SPIDR: variants seen among roughly 807,000 people sequenced by gnomAD.
SPIDR encodes scaffold protein involved in DNA repair, also known as DNA repair-scaffolding protein.
SPIDR carries 93 observed loss-of-function variants against 104.6 expected under a neutral mutation model. The observed-to-expected ratio is 0.89, with a 90% confidence interval of 0.75 to 1.06. The LOEUF (loss-of-function observed/expected upper bound fraction) is 1.06, where lower values mean the gene tolerates loss of function less well. Among genes scored for constraint, SPIDR ranks in the 50% least tolerant of loss-of-function variants. SPIDR has a pLI of 0.00. For synonymous variants in SPIDR, 431 were observed against 416.9 expected, an observed-to-expected ratio of 1.03 and a Z score of -0.41; for missense variants, 1,154 against 1,111.2, an observed-to-expected ratio of 1.04 and a Z score of -0.55.
chr8:47,383,323 C>T (rs2059537217), intron 5 of SPIDR, among the ~76,000 whole-genome samples: 1 of 152,176 alleles, frequency 6.6e-6, no homozygotes, highest in South Asian at 2.1e-4. Context: ...ACTTTGGCCT[C>T]TTCTAGTATA....
At chr8:47,619,618 CTTT>C (rs34943473) in intron 10 of SPIDR, among the ~76,000 whole-genome samples, 6 of 144,728 alleles carry the variant, frequency 4.1e-5, no homozygotes, top group Non-Finnish European at 6.0e-5. Context: ...GTATATTACC[CTTT>C]TTTTTTTTTT....
At chr8:47,429,045 G>A (rs2066900540) in intron 7 of SPIDR, among the ~76,000 whole-genome samples, 1 of 152,148 alleles carries the variant, frequency 6.6e-6, no homozygotes, top group Non-Finnish European at 1.5e-5. Flanking sequence ...GAATACTGAG[G>A]CTGAACTATT....
intron 8 of SPIDR, among the ~76,000 whole-genome samples, chr8:47,525,994 A>C (rs1034005209): frequency 2.1e-4 from 32 of 152,148 alleles, no homozygotes; most frequent in African/African-American, 7.2e-4. Context: ...ACCTGGCAAA[A>C]CTTAGCATAG....
chr8:47,728,687 C>T lies in SPIDR; in HGVS notation c.2436-246C>T, dbSNP rs893222518. Reference sequence around the variant, plus strand: ...TGACCTCCCTTCCTGGGAGGCTCAGCATCCCCTCCTCTGCTCCCCTCTTCG... The same window carrying T: ...TGACCTCCCTTCCTGGGAGGCTCAGTATCCCCTCCTCTGCTCCCCTCTTCG... On this transcript the variant is annotated intron_variant, in intron 17 of 19. Coordinates refer to ENST00000297423, the MANE Select transcript of SPIDR (RefSeq NM_001080394.4). 7.7e-5 allele frequency: 28 copies of T among 365,616 alleles called. No individual in the cohort carries two copies. In the East Asian group the frequency reaches 1.6e-3, roughly 21 times the overall value. The allele number at this position is 365,616 out of a possible 1,614,324, so 22.6% of individuals were successfully genotyped here.
At chr8:47,458,338 T>G (rs1488330061) in intron 8 of SPIDR, among the ~76,000 whole-genome samples, 2 of 131,602 alleles carry the variant, frequency 1.5e-5, no homozygotes, top group Admixed American at 7.5e-5. Context: ...TTATTTTATT[T>G]TATTTTATTT....
At position 47,308,889 on chromosome 8, in the gene SPIDR, T is replaced by C. The variant is rs587630358; in HGVS notation, c.525+14859T>C. Among the ~76,000 whole-genome samples, 12 of 152,388 alleles carry C rather than the reference T, an allele frequency of 7.9e-5. No individual in the cohort carries two copies. In the East Asian group the frequency reaches 2.1e-3, roughly 27 times the overall value. ...AGGGTGGCAAATGGATAGCTGCTAC[T>C]GTGCTAGTGCTAATACCTGCAAGTG... On this transcript the variant is annotated intron_variant, in intron 5 of 19. Transcript: ENST00000297423.
intron 10 of SPIDR, among the ~76,000 whole-genome samples, chr8:47,631,836 C>T (rs562242186): frequency 6.6e-6 from 1 of 152,172 alleles, no homozygotes; most frequent in Non-Finnish European, 1.5e-5. Context: ...GCCCTTACCT[C>T]GGGATGGTCT....
At chr8:47,422,637 C>T (rs1295727823) in intron 7 of SPIDR, among the ~76,000 whole-genome samples, 2 of 152,184 alleles carry the variant, frequency 1.3e-5, no homozygotes, top group African/African-American at 4.8e-5. Context: ...GTCTGACCAT[C>T]CCCAGTGAGG....
chr8:47,618,957 A>AT (rs972169949), intron 10 of SPIDR, among the ~76,000 whole-genome samples: 3 of 152,260 alleles, frequency 2.0e-5, no homozygotes, highest in African/African-American at 7.2e-5. Flanking sequence ...ATAGGCACTA[A>AT]TGTTCTTTCT....
chr8:47,520,570 T>C (rs1055766997), intron 8 of SPIDR, among the ~76,000 whole-genome samples: 5 of 152,212 alleles, frequency 3.3e-5, no homozygotes, highest in African/African-American at 1.2e-4. Flanking sequence ...CAAGACCGTG[T>C]GCTGGAAGTG....
chr8:47,510,294 G>C (rs961133364), intron 8 of SPIDR, among the ~76,000 whole-genome samples: 1 of 152,230 alleles, frequency 6.6e-6, no homozygotes, highest in African/African-American at 2.4e-5. Context: ...TGCTGACAGA[G>C]TTACAGTGCG....
chr8:47,288,761 G>A (rs2039349196), intron 3 of SPIDR, among the ~76,000 whole-genome samples: 1 of 152,196 alleles, frequency 6.6e-6, no homozygotes. Flanking sequence ...AGTAATTCTA[G>A]ATGTTTGTGG....
intron 5 of SPIDR, among the ~76,000 whole-genome samples, chr8:47,383,431 GA>G (rs1322517481): frequency 6.6e-6 from 1 of 152,178 alleles, no homozygotes; most frequent in East Asian, 1.9e-4. Flanking sequence ...TAATGGGCCG[GA>G]AATGAATCAG....
In SPIDR at chr8:47,599,032, C is replaced by A; in HGVS notation, c.1380C>A (p.Pro460=). ...AACAGCGCATCCCAACCAGCACTCCCCTGAGGGATTCTCTCCTGGATGTGG... is the reference window on the plus strand; with the variant it reads ...AACAGCGCATCCCAACCAGCACTCCACTGAGGGATTCTCTCCTGGATGTGG... ...EAKQRIPTST[P]LRDSLLDVVE... The change falls in exon 10 of 20, where the codon CCC becomes CCA. Residue 460 remains proline (P), a synonymous_variant. Coordinates refer to ENST00000297423, the MANE Select transcript of SPIDR (RefSeq NM_001080394.4). 3 of 1,613,182 alleles carry A rather than the reference C, an allele frequency of 1.9e-6. No homozygotes were observed. The highest frequency in any genetic ancestry group is 1.7e-6 in the Non-Finnish European group (2 of 1,179,542).
At position 47,563,342 on chromosome 8, in the gene SPIDR, C is replaced by CT. The variant is rs555915807; in HGVS notation, c.1098-32459dup. Among the ~76,000 whole-genome samples the CT allele has an allele frequency of 4.4e-3, 655 of 148,244 alleles. 3 individuals are homozygous for CT. The highest frequency in any genetic ancestry group is 0.014 in the African/African-American group (562 of 40,590). ...GCACCATGACACCTGACTCATTTTT[C>CT]TTTTTTTTTTAGTAGAGATGGGGTC... On this transcript the variant is annotated intron_variant, in intron 8 of 19. Coordinates refer to ENST00000297423, the MANE Select transcript of SPIDR (RefSeq NM_001080394.4).
At chr8:47,485,595 C>T (rs1194090422) in intron 8 of SPIDR, among the ~76,000 whole-genome samples, 1 of 152,360 alleles carries the variant, frequency 6.6e-6, no homozygotes, top group Admixed American at 6.5e-5. Flanking sequence ...AACTGGGAGG[C>T]ACCCCCCAGT....
chr8:47,577,149 T>G (rs1172497600), intron 8 of SPIDR, among the ~76,000 whole-genome samples: 2 of 152,240 alleles, frequency 1.3e-5, no homozygotes, highest in Non-Finnish European at 2.9e-5. Flanking sequence ...GCCTAGAGAC[T>G]TAAGTTATGA....
intron 5 of SPIDR, among the ~76,000 whole-genome samples, chr8:47,304,372 A>C (rs1195164214): frequency 6.6e-6 from 1 of 152,110 alleles, no homozygotes; most frequent in African/African-American, 2.4e-5. Flanking sequence ...CTGATAATTT[A>C]AAAGTGTGTA....
In SPIDR at chr8:47,599,001, A is replaced by G; in HGVS notation, c.1349A>G (p.Glu450Gly). The change falls in exon 10 of 20, where the codon GAA becomes GGA. Residue 450 changes from glutamate to glycine, a missense_variant. Transcript: ENST00000297423. Reference protein sequence around the residue: ...TGTAWTHGHKEAKQRIPTSTP... With the variant: ...TGTAWTHGHKGAKQRIPTSTP... ...ACAGCCTGGACCCATGGGCACAAAG[A>G]AGCAAAACAGCGCATCCCAACCAGC... is the stretch of plus-strand genomic sequence containing the variant. 6.2e-7 allele frequency: 1 copy of G among 1,613,830 alleles called. No homozygotes were observed. The highest frequency in any genetic ancestry group is 1.3e-5 in the African/African-American group (1 of 75,024).
Sources: gnomAD v4.1 joint callset for allele counts (sites outside exome capture counted in the v4.1 genomes callset) on GRCh38, gnomAD v4.1.1 for gene constraint, MANE v1.5 for transcripts, NCBI Gene and HGNC (gene_info 2026-07-23, HGNC 2026-07-21) for gene names.